Variants in NEDD4L observed in about 807,000 individuals in gnomAD.
The protein encoded by NEDD4L is NEDD4 like E3 ubiquitin protein ligase.
A neutral mutation model predicts 148.9 loss-of-function variants in NEDD4L; 54 were observed. The ratio of observed to expected loss-of-function variants is 0.36; its 90% CI spans 0.29 to 0.45. The LOEUF is 0.45. Ranked by LOEUF, NEDD4L falls within the 20% of genes least tolerant of loss-of-function variation. NEDD4L has a pLI of 1.00. For synonymous variants in NEDD4L, 433 were observed against 440.7 expected, an observed-to-expected ratio of 0.98 and a Z score of 0.22; for missense variants, 856 against 1,233.8, an observed-to-expected ratio of 0.69 and a Z score of 4.59.
chr18:58,169,017 G>T (rs968476737), intron 2 of NEDD4L, among the ~76,000 whole-genome samples: 2 of 152,180 alleles, frequency 1.3e-5, no homozygotes, highest in African/African-American at 4.8e-5. Context: ...TTCCGAGGTG[G>T]TGATGGAAGC....
rs6566934 is a variant in NEDD4L, at chr18:58,063,888, A to T, written c.48+19180A>T. 1.8e-3 allele frequency among the ~76,000 whole-genome samples: 266 copies of T among 151,482 alleles called. 3 individuals carry two copies. Among genetic ancestry groups the T allele is most frequent in the Admixed American group, 0.015 (230 of 15,190 alleles). ...TATTTTTAAGCTTCGGTAAGGTAGA[A>T]CCCCTTTAGAGAAAAAACATCAGTG... On this transcript the variant is annotated intron_variant, in intron 1 of 30. Coordinates refer to ENST00000400345, the MANE Select transcript of NEDD4L (RefSeq NM_001144967.3).
chr18:58,084,985 G>T (rs2083683351), intron 1 of NEDD4L, among the ~76,000 whole-genome samples: 1 of 152,032 alleles, frequency 6.6e-6, no homozygotes. Context: ...GTGAGCCACT[G>T]CGCCCAGCCT....
chr18:58,085,364 C>G (rs1219838881), intron 1 of NEDD4L, among the ~76,000 whole-genome samples: 1 of 152,116 alleles, frequency 6.6e-6, no homozygotes, highest in Non-Finnish European at 1.5e-5. Flanking sequence ...ACTTGGTCCT[C>G]TACCCAGCGT....
At chr18:58,192,117 G>A (rs2040188200) in intron 2 of NEDD4L, among the ~76,000 whole-genome samples, 1 of 152,174 alleles carries the variant, frequency 6.6e-6, no homozygotes, top group Non-Finnish European at 1.5e-5. Context: ...GTTGCAGTGA[G>A]CTGAGATTGC....
At chr18:58,151,055 A>T (rs114937894) in intron 1 of NEDD4L, among the ~76,000 whole-genome samples, 210 of 152,282 alleles carry the variant, frequency 1.4e-3, no homozygotes, top group African/African-American at 5.0e-3. Flanking sequence ...GAATTTCATA[A>T]CTTTCCTGAG....
chr18:58,071,494 T>G (rs1218384704), intron 1 of NEDD4L, among the ~76,000 whole-genome samples: 3 of 152,086 alleles, frequency 2.0e-5, no homozygotes, highest in Non-Finnish European at 4.4e-5. Context: ...GACAGGTCAT[T>G]TGAGATAGTT....
chr18:58,217,009 G>C (rs2043214039), intron 2 of NEDD4L, among the ~76,000 whole-genome samples: 1 of 152,200 alleles, frequency 6.6e-6, no homozygotes, highest in Non-Finnish European at 1.5e-5. Flanking sequence ...CAAATGCTTT[G>C]AGCAGAAGAG....
intron 3 of NEDD4L, among the ~76,000 whole-genome samples, chr18:58,246,308 A>G (rs894833359): frequency 6.6e-6 from 1 of 152,184 alleles, no homozygotes; most frequent in Non-Finnish European, 1.5e-5. Flanking sequence ...ACTTGAAACA[A>G]CTATTTCTAA....
At chr18:58,314,497 T>C (rs1040215157) in intron 5 of NEDD4L, 4 of 152,088 alleles carry the variant, frequency 2.6e-5, no homozygotes, top group Non-Finnish European at 4.4e-5. Flanking sequence ...TAACTGTCAT[T>C]GGTGTGAGTC....
chr18:58,131,759 C>A (rs1050020441), intron 1 of NEDD4L, among the ~76,000 whole-genome samples: 1 of 151,800 alleles, frequency 6.6e-6, no homozygotes, highest in African/African-American at 2.4e-5. Flanking sequence ...GGTGGTGGAT[C>A]CCAGGAGCTG....
intron 1 of NEDD4L, among the ~76,000 whole-genome samples, chr18:58,113,527 G>A (rs1041217574): frequency 6.6e-6 from 1 of 152,160 alleles, no homozygotes; most frequent in Non-Finnish European, 1.5e-5. Context: ...GGAGGAGCTT[G>A]CCTGGGAAGG....
chr18:58,203,695 CA>C (rs999927951), intron 2 of NEDD4L, among the ~76,000 whole-genome samples: 3 of 126,490 alleles, frequency 2.4e-5, no homozygotes, highest in African/African-American at 1.1e-4. Flanking sequence ...AAACATTTTG[CA>C]ATTTTTTTTT....
chr18:58,195,262 A>G (rs1394764067), intron 2 of NEDD4L: 4 of 459,626 alleles, frequency 8.7e-6, no homozygotes, highest in Non-Finnish European at 1.4e-5. Flanking sequence ...GGCTGTTATC[A>G]TAACTTCCCT....
intron 2 of NEDD4L, among the ~76,000 whole-genome samples, chr18:58,191,385 C>T (rs545603228): frequency 4.5e-4 from 69 of 152,204 alleles, no homozygotes; most frequent in Middle Eastern, 3.4e-3. Context: ...GAAGCTTGTT[C>T]AGAATTGTGT....
chr18:58,116,577 T>C (rs1319865766), intron 1 of NEDD4L, among the ~76,000 whole-genome samples: 1 of 152,198 alleles, frequency 6.6e-6, no homozygotes, highest in African/African-American at 2.4e-5. Flanking sequence ...GTAGCACAGT[T>C]CTAAGCTCAA....
At chr18:58,195,469 A>G (rs2040554795) in intron 2 of NEDD4L, 18 of 1,334,038 alleles carry the variant, frequency 1.3e-5, no homozygotes, top group Non-Finnish European at 1.8e-5. Context: ...CAACCCAGAC[A>G]GGCTTAAGCC....
rs776098051 is a variant in NEDD4L, at chr18:58,325,028, G to T, written c.546G>T (p.Ser182=). 6.2e-7 allele frequency: 1 copy of T among 1,613,864 alleles called. No individual in the cohort carries two copies. Among genetic ancestry groups the T allele is most frequent in the Non-Finnish European group, 8.5e-7 (1 of 1,179,844 alleles). The part of the protein sequence containing the change: ...HGWEVVDSND[S]ASQHQEELPP... ...GGGAAGTTGTTGACTCAAATGACTC[G>T]GCTTCTCAGCACCAAGAGGAACTTC... Residue 182 remains serine, a synonymous_variant, in exon 9 of 31, where the codon TCG becomes TCT. Coordinates refer to ENST00000400345, the MANE Select transcript of NEDD4L (RefSeq NM_001144967.3).
At position 58,335,516 on chromosome 18, in the gene NEDD4L, C is replaced by G; in HGVS notation, c.1104C>G (p.Val368=). 1 of 1,613,482 alleles carries G rather than the reference C, an allele frequency of 6.2e-7. No homozygotes were observed. Among genetic ancestry groups the G allele is most frequent in the Non-Finnish European group, 8.5e-7 (1 of 1,179,476 alleles). Residue 368 remains valine (V), a synonymous_variant, in exon 13 of 31, where the codon GTC becomes GTG. Coordinates refer to ENST00000400345, the MANE Select transcript of NEDD4L (RefSeq NM_001144967.3). Reference sequence around the variant, plus strand: ...CTGGGAGAGCGCGTTCATCAACTGTCACGGGTGGTGAGGAACCAACGGTAA... The same window carrying G: ...CTGGGAGAGCGCGTTCATCAACTGTGACGGGTGGTGAGGAACCAACGGTAA... ...APAGRARSST[V]TGGEEPTPSV...
rs2049443914 is a variant in NEDD4L at position 58,389,137 on chromosome 18, C to G, written c.2600C>G (p.Ser867Cys). 8.7e-6 allele frequency: 14 copies of G among 1,614,004 alleles called. No homozygotes were observed. The highest frequency in any genetic ancestry group is 1.2e-5 in the Non-Finnish European group (14 of 1,179,882). Residue 867 changes from serine to cysteine, a missense_variant, in exon 28 of 31, where the codon TCT (serine) becomes TGT (cysteine). Ser to Cys is a moderately radical substitution (Grantham distance 112). This residue lies in a region of NEDD4L where 286 missense variants were observed against 531.8 expected (regional missense o/e 0.54). Transcript: ENST00000400345. Reference sequence around the variant, plus strand: ...GATGTGAATGACTGGAGACAGCATTCTATTTACAAGAACGGCTACTGCCCA... The same window carrying G: ...GATGTGAATGACTGGAGACAGCATTGTATTTACAAGAACGGCTACTGCCCA... ...DVDVNDWRQH[S>C]IYKNGYCPNH...
Sources: gnomAD v4.1 joint callset for allele counts (sites outside exome capture counted in the v4.1 genomes callset) on GRCh38, gnomAD v4.1.1 for gene constraint, gnomAD v4.1.1 regional missense constraint, MANE v1.5 for transcripts, NCBI Gene and HGNC (gene_info 2026-07-23, HGNC 2026-07-21) for gene names.